The following CPM variants were observed in gnomAD, a reference collection of about 807,000 sequenced individuals.
CPM encodes carboxypeptidase M.
Under a neutral mutation model 46.4 loss-of-function variants are expected in CPM, and 35 were observed. The ratio of observed to expected loss-of-function variants is 0.75; its 90% CI spans 0.58 to 1.00. CPM has a LOEUF of 1.00. Ranked by LOEUF, CPM falls within the 50% of genes least tolerant of loss-of-function variation. CPM has a pLI of 0.00. For missense variants in CPM, 422 were observed against 530.4 expected, an observed-to-expected ratio of 0.80 and a Z score of 2.01; for synonymous variants, 195 against 195.3, an observed-to-expected ratio of 1.00 and a Z score of 0.01.
rs33925480 is a variant in CPM at position 68,866,999 on chromosome 12, C to T, written c.837G>A (p.Thr279=). 194,780 of 1,613,722 alleles carry T rather than the reference C, an allele frequency of 0.12. 12,618 individuals are homozygous for T. The highest frequency in any genetic ancestry group is 0.13 in the Non-Finnish European group (158,088 of 1,179,680). The change falls in exon 7 of 9, where the codon ACG becomes ACA. Residue 279 remains threonine (T), a synonymous_variant. Coordinates refer to ENST00000551568, the MANE Select transcript of CPM (RefSeq NM_198320.5). ...NYIWAQCFEI[T]LELSCCKYPR... ...GATATTTACAGCATGACAGCTCCAA[C>T]GTAATTTCAAAACACTGGGCCCAGA...
chr12:68,912,532 C>T (rs1186976593), intron 2 of CPM, among the ~76,000 whole-genome samples: 1 of 152,088 alleles, frequency 6.6e-6, no homozygotes, highest in African/African-American at 2.4e-5. Flanking sequence ...GGTATAAAGG[C>T]TATGTAAAAA....
At chr12:68,912,600 G>C (rs184719358) in intron 2 of CPM, among the ~76,000 whole-genome samples, 14 of 152,282 alleles carry the variant, frequency 9.2e-5, no homozygotes, top group Admixed American at 7.8e-4. Flanking sequence ...TGACTTCTAA[G>C]ATCACACCAT....
In CPM at chr12:68,853,757, G is replaced by A. The variant is rs1450501656; in HGVS notation, c.*2680C>T. The A allele has an allele frequency of 6.6e-6, 1 of 151,576 alleles. No individual in the cohort carries two copies. The highest frequency in any genetic ancestry group is 1.5e-5 in the Non-Finnish European group (1 of 67,934). The allele number at this position is 151,576 out of a possible 1,614,324, so 9.4% of individuals were successfully genotyped here. On this transcript the variant is annotated 3_prime_UTR_variant, in exon 9 of 9. Transcript: ENST00000551568. ...AGGATGGGAAGGGGAGGGAAGGGGAGGGGAGCGGAGGAAAGAAGAAAAGGA... is the reference window on the plus strand; with the variant it reads ...AGGATGGGAAGGGGAGGGAAGGGGAAGGGAGCGGAGGAAAGAAGAAAAGGA...
chr12:68,920,727 G>A (rs1888003689), intron 2 of CPM, among the ~76,000 whole-genome samples: 1 of 135,956 alleles, frequency 7.4e-6, no homozygotes, highest in Admixed American at 8.0e-5. Context: ...GAGACTCACT[G>A]TGGGCCAGGC....
intron 5 of CPM, chr12:68,844,637 G>C (rs935089146): frequency 4.4e-6 from 1 of 226,564 alleles, no homozygotes; most frequent in African/African-American, 2.2e-5. Flanking sequence ...AGGCACAAAT[G>C]TAAGTACATC....
At chr12:68,882,779 T>C (rs375146521) in intron 3 of CPM, among the ~76,000 whole-genome samples, 50 of 152,348 alleles carry the variant, frequency 3.3e-4, no homozygotes, top group African/African-American at 9.9e-4. Flanking sequence ...TGATATCTCA[T>C]TGTGGTTTTT....
chr12:68,939,542 A>G (rs1271251273), intron 1 of CPM, among the ~76,000 whole-genome samples: 4 of 152,004 alleles, frequency 2.6e-5, no homozygotes, highest in Non-Finnish European at 5.9e-5. Context: ...CAGGACAGAA[A>G]TTATATCTCC....
chr12:68,922,957 C>A (rs902970331), intron 2 of CPM, among the ~76,000 whole-genome samples: 3 of 151,958 alleles, frequency 2.0e-5, no homozygotes, highest in Non-Finnish European at 4.4e-5. Flanking sequence ...TGCTGTGTTG[C>A]CCAGGCTGGA....
intron 2 of CPM, among the ~76,000 whole-genome samples, chr12:68,924,543 A>G (rs1888178972): frequency 6.6e-6 from 1 of 152,080 alleles, no homozygotes; most frequent in African/African-American, 2.4e-5. Context: ...AATAAGGCTG[A>G]TAGCTGATAA....
At chr12:68,900,806 T>C (rs770724464) in intron 2 of CPM, among the ~76,000 whole-genome samples, 1 of 152,148 alleles carries the variant, frequency 6.6e-6, no homozygotes, top group Non-Finnish European at 1.5e-5. Flanking sequence ...TCCAAGCATA[T>C]GACATTTTGA....
chr12:68,857,636 A>T (rs1885036219), intron 8 of CPM, among the ~76,000 whole-genome samples: 1 of 152,108 alleles, frequency 6.6e-6, no homozygotes. Context: ...GAAGGGAAAA[A>T]ATGGGGAATG....
intron 3 of CPM, among the ~76,000 whole-genome samples, chr12:68,875,513 T>C (rs570107680): frequency 5.9e-5 from 9 of 151,352 alleles, no homozygotes; most frequent in Admixed American, 1.3e-4. Context: ...TTTAGAAAAA[T>C]CTGATCATCA....
At chr12:68,897,897 A>C (rs1196403443) in intron 2 of CPM, among the ~76,000 whole-genome samples, 1 of 152,076 alleles carries the variant, frequency 6.6e-6, no homozygotes, top group Non-Finnish European at 1.5e-5. Flanking sequence ...GCCAGGCAGG[A>C]ATGCAGTGGT....
intron 3 of CPM, among the ~76,000 whole-genome samples, chr12:68,878,967 C>T (rs77714851): frequency 0.039 from 5,902 of 152,228 alleles, 407 homozygotes; most frequent in African/African-American, 0.13. Flanking sequence ...GCCAGAGGAT[C>T]GCTTGAGGCC....
At chr12:68,870,113 G>A in intron 5 of CPM, 102 bp downstream of exon 5, 1 of 1,182,472 alleles carries the variant, frequency 8.5e-7, no homozygotes, top group Non-Finnish European at 1.2e-6. Context: ...CCCTGCCAGA[G>A]AAGTTAAGAG....
intron 2 of CPM, among the ~76,000 whole-genome samples, chr12:68,906,762 C>T (rs7973056): frequency 0.024 from 3,693 of 152,294 alleles, 124 homozygotes; most frequent in African/African-American, 0.082. Context: ...GGATTACAGG[C>T]GCCACTGTGG....
At chr12:68,936,682 A>G (rs976620212), upstream of CPM, among the ~76,000 whole-genome samples, 1 of 152,136 alleles carries the variant, frequency 6.6e-6, no homozygotes, top group African/African-American at 2.4e-5. Flanking sequence ...CCAGGCCTGG[A>G]CCTAGAGGTG....
chr12:68,946,675 T>C (rs1231092927), intron 1 of CPM, among the ~76,000 whole-genome samples: 2 of 152,224 alleles, frequency 1.3e-5, no homozygotes, highest in African/African-American at 4.8e-5. Context: ...GTCATTCCAG[T>C]CAAAGCCTTG....
chr12:68,926,124 C>T lies in CPM; in HGVS notation c.160+6554G>A, dbSNP rs563295688. Among the ~76,000 whole-genome samples the T allele has an allele frequency of 9.2e-5, 14 of 152,102 alleles. No homozygotes were observed. The South Asian group carries it at 2.9e-3, about 32-fold the overall frequency. On this transcript the variant is annotated intron_variant, in intron 2 of 8. Transcript: ENST00000551568. ...GTAGAGATGGGGTTTTGCCATGTTG[C>T]CCCAGCGGGTCTCAAACTCCTGAGC...
Sources: gnomAD v4.1 joint callset for allele counts (sites outside exome capture counted in the v4.1 genomes callset) on GRCh38, gnomAD v4.1.1 for gene constraint, MANE v1.5 for transcripts, NCBI Gene and HGNC (gene_info 2026-07-23, HGNC 2026-07-21) for gene names.